The following AADACL2 variants were observed in gnomAD, a reference collection of about 807,000 sequenced individuals.
AADACL2 encodes the protein arylacetamide deacetylase like 2, also known as arylacetamide deacetylase-like 2.
AADACL2 carries 23 observed loss-of-function variants against 22.3 expected under a neutral mutation model. That is an observed-to-expected ratio of 1.03 (90% confidence interval 0.74 to 1.46). The LOEUF (loss-of-function observed/expected upper bound fraction) is 1.46. Ranked by LOEUF, AADACL2 falls within the 40% of genes most tolerant of loss-of-function variation. The pLI is 0.00. For synonymous variants in AADACL2, 177 were observed against 166.2 expected (o/e 1.07, Z -0.50); for missense variants, 472 against 482.9 (o/e 0.98, Z 0.21).
chr3:151,757,407 A>G lies in AADACL2; in HGVS notation c.1019A>G (p.His340Arg), dbSNP rs746599937. The G allele has an allele frequency of 2.1e-5, 34 of 1,613,638 alleles. No individual in the cohort carries two copies. In the South Asian group the frequency reaches 3.6e-4, roughly 17 times the overall value. Residue 340 changes from histidine to arginine, a missense_variant, in exon 5 of 5, where the codon CAT becomes CGT. Around this residue, in one of 3 missense-constraint regions of AADACL2, gnomAD observed 113 missense variants for 100.9 expected, o/e 1.12. Transcript: ENST00000356517. ...LPLTYILTCQ[H>R]DLLRDDGLMY... ...CTAACCTATATTCTTACTTGTCAAC[A>G]TGATCTCTTAAGAGATGATGGACTT...
At position 151,757,721 on chromosome 3, in the gene AADACL2, T is replaced by C. The variant is rs1713989150; in HGVS notation, c.*127T>C. On this transcript the variant is annotated 3_prime_UTR_variant, in exon 5 of 5. Transcript: ENST00000356517. ...CATTTGCAACATTTGTAGCAGTTAATGTGTGTCCTTGAAGAGTTATTAAAT... is the reference window on the plus strand; with the variant it reads ...CATTTGCAACATTTGTAGCAGTTAACGTGTGTCCTTGAAGAGTTATTAAAT... 1 of 1,204,186 alleles carries C rather than the reference T, an allele frequency of 8.3e-7. No homozygotes were observed. The highest frequency in any genetic ancestry group is 1.1e-6 in the Non-Finnish European group (1 of 872,842). The allele number at this position is 1,204,186 out of a possible 1,614,324, so 74.6% of individuals were successfully genotyped here.
chr3:151,747,488 A>G (rs1218950861), intron 4 of AADACL2, among the ~76,000 whole-genome samples: 1 of 152,118 alleles, frequency 6.6e-6, no homozygotes, highest in East Asian at 1.9e-4. Context: ...GGTTCTACAT[A>G]AAAGCAAGAT....
At chr3:151,752,129 A>C (rs9834401) in intron 4 of AADACL2, among the ~76,000 whole-genome samples, 104,630 of 152,050 alleles carry the variant, frequency 0.69, 36,464 homozygotes, top group African/African-American at 0.8. Context: ...AAGCTTTATT[A>C]CCTGTACTGT....
In AADACL2 at chr3:151,761,069, GAT is replaced by G. The variant is rs568249763; in HGVS notation, c.*3478_*3479del. On this transcript the variant is annotated 3_prime_UTR_variant, in exon 5 of 5. Coordinates refer to ENST00000356517, the MANE Select transcript of AADACL2 (RefSeq NM_207365.4). ...TTGGGGCTTAGGACTCCAACATATAGATATGTTTTATATATATGGTGAGATAT... is the reference window on the plus strand; with the variant it reads ...TTGGGGCTTAGGACTCCAACATATAGATGTTTTATATATATGGTGAGATAT... 1.5e-4 allele frequency: 22 copies of G among 149,904 alleles called. No homozygotes were observed. Among genetic ancestry groups the G allele is most frequent in the Admixed American group, 4.7e-4 (7 of 15,018 alleles). 9.3% of individuals were successfully genotyped at this position (149,904 alleles called of 1,614,324 possible).
chr3:151,756,030 C>T lies in AADACL2; in HGVS notation c.604-962C>T, dbSNP rs922858857. Among the ~76,000 whole-genome samples the T allele has an allele frequency of 9.2e-5, 14 of 152,034 alleles. 1 individual carries two copies. Among genetic ancestry groups the T allele is most frequent in the Admixed American group, 8.5e-4 (13 of 15,240 alleles). On this transcript the variant is annotated intron_variant, in intron 4 of 4. Transcript: ENST00000356517. ...GATACCATTTCCCTTTCTGAGGTAC[C>T]TCTTGGATTTCAATTTAGTTTTTCC...
intron 1 of AADACL2, among the ~76,000 whole-genome samples, chr3:151,739,903 C>A (rs958935300): frequency 6.6e-6 from 1 of 152,174 alleles, no homozygotes; most frequent in African/African-American, 2.4e-5. Flanking sequence ...GACTGCTGTG[C>A]TGGCAGTGAG....
intron 4 of AADACL2, among the ~76,000 whole-genome samples, chr3:151,752,440 A>G (rs1560286216): frequency 6.6e-6 from 1 of 152,174 alleles, no homozygotes; most frequent in Non-Finnish European, 1.5e-5. Flanking sequence ...TATTTAACCT[A>G]TTATTGCTAG....
chr3:151,744,303 T>A, intron 3 of AADACL2, 141 bp downstream of exon 3: 1 of 704,662 alleles, frequency 1.4e-6, no homozygotes, highest in Non-Finnish European at 2.3e-6. Flanking sequence ...CATAGACTGC[T>A]CCTCAAAGAG....
At chr3:151,746,312 CCAT>C (rs1319006679) in intron 4 of AADACL2, among the ~76,000 whole-genome samples, 1 of 149,374 alleles carries the variant, frequency 6.7e-6, no homozygotes, top group Non-Finnish European at 1.5e-5. Flanking sequence ...TGGCCTTTTC[CCAT>C]CATATCCTCA....
At position 151,757,099 on chromosome 3, in the gene AADACL2, T is replaced by C. The variant is rs757373885; in HGVS notation, c.711T>C (p.His237=). The C allele has an allele frequency of 3.7e-6, 6 of 1,611,992 alleles. No individual in the cohort carries two copies. In the South Asian group the frequency reaches 5.5e-5, roughly 15 times the overall value. ...SYLPSHRENE[H]GIVLTRDVAI... Reference sequence around the variant, plus strand: ...TGCCATCTCACCGAGAAAATGAGCATGGTATAGTTTTGACCAGGGATGTAG... The same window carrying C: ...TGCCATCTCACCGAGAAAATGAGCACGGTATAGTTTTGACCAGGGATGTAG... Residue 237 remains histidine (H), a synonymous_variant, in exon 5 of 5, where the codon CAT becomes CAC. Transcript: ENST00000356517.
Position 151,745,508 on chromosome 3 carries a change from G to A in AADACL2, c.432-1G>A. 6.2e-7 allele frequency: 1 copy of A among 1,611,758 alleles called. No homozygotes were observed. The highest frequency in any genetic ancestry group is 8.5e-7 in the Non-Finnish European group (1 of 1,179,110). On this transcript the variant is annotated splice_acceptor_variant, in intron 3 of 4. Coordinates refer to ENST00000356517, the MANE Select transcript of AADACL2 (RefSeq NM_207365.4). LOFTEE classifies it high-confidence loss of function. ...AATGCTTTATTATTCTTTCTTTAAA[G>A]CTATAGGCTGGCTCCTCAACACCAC...
At position 151,758,602 on chromosome 3, in the gene AADACL2, T is replaced by G. The variant is rs761916050; in HGVS notation, c.*1008T>G. On this transcript the variant is annotated 3_prime_UTR_variant, in exon 5 of 5. Transcript: ENST00000356517. ...TTCAATAATGAAGAACATTTGAGTA[T>G]GGACTAGAAAAGCTTCTCCAAAAAA... 6.6e-6 allele frequency: 1 copy of G among 152,138 alleles called. No homozygotes were observed. Among genetic ancestry groups the G allele is most frequent in the Non-Finnish European group, 1.5e-5 (1 of 67,992 alleles). 9.4% of individuals were successfully genotyped at this position (152,138 alleles called of 1,614,324 possible).
chr3:151,742,982 T>C (rs1309369521), intron 2 of AADACL2, among the ~76,000 whole-genome samples: 2 of 152,134 alleles, frequency 1.3e-5, no homozygotes, highest in Non-Finnish European at 2.9e-5. Context: ...TGGAAGGCTA[T>C]GTCTCCCTAA....
In AADACL2 at chr3:151,745,417, A is replaced by C; in HGVS notation, c.432-92A>C. 7 of 1,310,376 alleles carry C rather than the reference A, an allele frequency of 5.3e-6. 1 individual carries two copies. In the South Asian group the frequency reaches 9.5e-5, roughly 18 times the overall value. 81.2% of individuals were successfully genotyped at this position (1,310,376 alleles called of 1,614,324 possible). On this transcript the variant is annotated intron_variant, in intron 3 of 4. Coordinates refer to ENST00000356517, the MANE Select transcript of AADACL2 (RefSeq NM_207365.4). ...AGGCTTGATTTTTAGAAGACTGAACAATAAAGACTGGCATTAAATTGCATC... is the reference window on the plus strand; with the variant it reads ...AGGCTTGATTTTTAGAAGACTGAACCATAAAGACTGGCATTAAATTGCATC...
intron 4 of AADACL2, among the ~76,000 whole-genome samples, chr3:151,752,551 C>T (rs1713712354): frequency 6.6e-6 from 1 of 152,202 alleles, no homozygotes; most frequent in Non-Finnish European, 1.5e-5. Flanking sequence ...CTCTTGTGGA[C>T]ATGGTGCCTT....
chr3:151,745,434 A>C, intron 3 of AADACL2, 75 bp from the exon 4 acceptor site: 1 of 1,441,830 alleles, frequency 6.9e-7, no homozygotes, highest in Non-Finnish European at 9.5e-7. Flanking sequence ...ACTGGCATTA[A>C]ATTGCATCTA....
intron 4 of AADACL2, among the ~76,000 whole-genome samples, chr3:151,752,534 T>A (rs1713711534): frequency 1.3e-5 from 2 of 152,332 alleles, no homozygotes; most frequent in Non-Finnish European, 2.9e-5. Flanking sequence ...CACTATAGCT[T>A]AGAAAACTCT....
intron 4 of AADACL2, among the ~76,000 whole-genome samples, chr3:151,750,894 T>C (rs937737200): frequency 6.6e-6 from 1 of 152,176 alleles, no homozygotes; most frequent in African/African-American, 2.4e-5. Context: ...CAAAACCCTA[T>C]TGTGAAACCA....
intron 4 of AADACL2, among the ~76,000 whole-genome samples, chr3:151,749,705 T>C (rs1258684085): frequency 6.6e-6 from 1 of 152,112 alleles, no homozygotes; most frequent in Non-Finnish European, 1.5e-5. Flanking sequence ...ATGGTCTCGA[T>C]CTCCTGACCT....
Sources: allele counts gnomAD v4.1 joint callset (sites outside exome capture counted in the v4.1 genomes callset), GRCh38; gene constraint gnomAD v4.1.1; regional missense constraint gnomAD v4.1.1; transcripts MANE v1.5; gene names NCBI Gene and HGNC (gene_info 2026-07-23, HGNC 2026-07-21).